Variants in DNAJC2 observed in about 807,000 individuals in gnomAD.
DNAJC2 encodes dnaJ homolog subfamily C member 2.
DNAJC2 carries 32 observed loss-of-function variants against 94.0 expected under a neutral mutation model. The observed-to-expected ratio is 0.34, with a 90% CI of 0.26 to 0.46. The LOEUF is 0.46. Among genes scored for constraint, DNAJC2 ranks in the 20% least tolerant of loss-of-function variants. The pLI is 1.00. For synonymous variants in DNAJC2, 210 were observed against 229.7 expected, an observed-to-expected ratio of 0.91 and a Z score of 0.77; for missense variants, 550 against 719.5, an observed-to-expected ratio of 0.76 and a Z score of 2.69.
At chr7:103,341,719 T>C in intron 2 of DNAJC2, 45 bp downstream of exon 2, 1 of 1,448,028 alleles carries the variant, frequency 6.9e-7, no homozygotes, top group Non-Finnish European at 9.3e-7. Flanking sequence ...ATTGTCTATG[T>C]CTAACAAAGC....
At chr7:103,326,772 G>A (rs1818732226) in intron 4 of DNAJC2, 88 bp from the exon 5 acceptor site, 2 of 1,310,552 alleles carry the variant, frequency 1.5e-6, no homozygotes, top group Middle Eastern at 2.5e-4. Context: ...TTAAAACATA[G>A]AAGTCATTAA....
intron 5 of DNAJC2, 40 bp from the exon 6 acceptor site, chr7:103,324,602 A>G: frequency 2.2e-6 from 3 of 1,394,384 alleles, no homozygotes; most frequent in Non-Finnish European, 1.9e-6. Context: ...TTCTTCAAAA[A>G]TTATGTACAA....
chr7:103,319,158 G>C (rs1403284910), intron 12 of DNAJC2, among the ~76,000 whole-genome samples: 1 of 151,436 alleles, frequency 6.6e-6, no homozygotes, highest in Non-Finnish European at 1.5e-5. Flanking sequence ...ACAAAAACAG[G>C]CTGGGCGTGG....
chr7:103,337,368 T>TA (rs36103366), intron 3 of DNAJC2: 3,786 of 156,892 alleles, frequency 0.024, 51 homozygotes, highest in Admixed American at 0.038. Flanking sequence ...CAAAATAACG[T>TA]AAAAAAAAAA....
chr7:103,316,880 T>A lies in DNAJC2; in HGVS notation c.1377A>T (p.Leu459=), dbSNP rs1171178247. Residue 459 remains leucine, a synonymous_variant, in exon 13 of 17, where the codon CTA becomes CTT. Transcript: ENST00000379263. The part of the protein sequence containing the change: ...NGSKNWSEDD[L]QLLIKAVNLF... ...GATTCACAGCTTTAATTAGTAATTG[T>A]AGATCATCTTCTGACCAATTTTTAC... 6.2e-7 allele frequency: 1 copy of A among 1,613,924 alleles called. No individual in the cohort carries two copies. Among genetic ancestry groups the A allele is most frequent in the African/African-American group, 1.3e-5 (1 of 74,928 alleles).
intron 6 of DNAJC2, 95 bp from the exon 7 acceptor site, chr7:103,323,758 T>G: frequency 2.1e-6 from 2 of 946,402 alleles, no homozygotes; most frequent in Non-Finnish European, 2.9e-6. Context: ...ATGGATACCT[T>G]TCCTTCCCTT....
chr7:103,334,051 C>T (rs564114477), intron 3 of DNAJC2, among the ~76,000 whole-genome samples: 2 of 151,670 alleles, frequency 1.3e-5, no homozygotes, highest in East Asian at 3.9e-4. Context: ...CCCGGGTTCA[C>T]GCCATTCTGC....
At chr7:103,320,712 C>T (rs897910053) in intron 10 of DNAJC2, 2 of 149,230 alleles carry the variant, frequency 1.3e-5, no homozygotes, top group African/African-American at 4.9e-5. Flanking sequence ...CCACTGTACT[C>T]CAGCCTGGGC....
At chr7:103,321,341 ACT>A (rs1029608581) in intron 10 of DNAJC2, among the ~76,000 whole-genome samples, 3 of 151,914 alleles carry the variant, frequency 2.0e-5, no homozygotes, top group Non-Finnish European at 4.4e-5. Context: ...ACACAGTGAA[ACT>A]CTGTCTCAAC....
intron 12 of DNAJC2, chr7:103,317,411 A>AT (rs1463419773): frequency 6.1e-6 from 1 of 164,746 alleles, no homozygotes; most frequent in South Asian, 2.0e-4. Context: ...GCATAGCAAA[A>AT]TGGCCTCTTT....
At chr7:103,338,267 C>CTT (rs528754279) in intron 2 of DNAJC2, among the ~76,000 whole-genome samples, 68 of 124,114 alleles carry the variant, frequency 5.5e-4, no homozygotes, top group Middle Eastern at 4.3e-3. Flanking sequence ...AAGACCCTGT[C>CTT]TTTTTTTTTT....
intron 2 of DNAJC2, among the ~76,000 whole-genome samples, chr7:103,339,766 CCA>C (rs770417605): frequency 8.9e-4 from 135 of 151,734 alleles, no homozygotes; most frequent in Non-Finnish European, 1.5e-3. Flanking sequence ...CATGCCCGGT[CCA>C]GTGTTTTTTA....
chr7:103,318,036 A>T (rs1013377380), intron 12 of DNAJC2, among the ~76,000 whole-genome samples: 2 of 152,216 alleles, frequency 1.3e-5, no homozygotes, highest in Non-Finnish European at 2.9e-5. Context: ...TAGTAGTACA[A>T]TGTTGAACCT....
At chr7:103,343,598 C>T (rs1255032912) in intron 1 of DNAJC2, among the ~76,000 whole-genome samples, 1 of 152,180 alleles carries the variant, frequency 6.6e-6, no homozygotes, top group African/African-American at 2.4e-5. Flanking sequence ...CACAGAAACT[C>T]TCTGAAATTA....
chr7:103,332,577 A>C (rs1016292593), intron 3 of DNAJC2, among the ~76,000 whole-genome samples: 2 of 152,134 alleles, frequency 1.3e-5, no homozygotes, highest in African/African-American at 4.8e-5. Flanking sequence ...TGGGCCTAAA[A>C]ATTGTTTTTA....
chr7:103,327,432 T>G (rs1006634944), intron 4 of DNAJC2: 13 of 834,050 alleles, frequency 1.6e-5, no homozygotes, highest in African/African-American at 8.6e-5. Flanking sequence ...TGAGACTGCA[T>G]TTCTAATAAG....
intron 12 of DNAJC2, 113 bp from the exon 13 acceptor site, chr7:103,317,127 C>A: frequency 1.1e-6 from 1 of 932,374 alleles, no homozygotes; most frequent in Non-Finnish European, 1.6e-6. Context: ...CTCACTCTGA[C>A]CCCATACTCC....
Position 103,319,611 on chromosome 7 carries a change from G to A in DNAJC2, c.1240C>T (p.Gln414Ter). The A allele has an allele frequency of 6.2e-7, 1 of 1,614,028 alleles. No individual in the cohort carries two copies. Residue 414 changes from glutamine to a stop codon, truncating the protein, a stop_gained and splice_region_variant, in exon 12 of 17, where the codon CAG (glutamine) becomes TAG (stop). Coordinates refer to ENST00000379263, the MANE Select transcript of DNAJC2 (RefSeq NM_014377.3). LOFTEE classifies it high-confidence loss of function. ...GGAGTGATGTGTTCCTCTATTACCT[G>A]TTTTTCCAAAGCAGCCTTTCCTACT... ...KEVGKAALEKQIEEINEQIRK... is the reference protein window; with the variant it reads ...KEVGKAALEK
At chr7:103,316,417 G>C (rs1818058119) in intron 13 of DNAJC2, 1 of 221,364 alleles carries the variant, frequency 4.5e-6, no homozygotes, top group Admixed American at 5.3e-5. Context: ...AAACAGCCTC[G>C]GTTTCATCTA....
Sources: allele counts gnomAD v4.1 joint callset (sites outside exome capture counted in the v4.1 genomes callset), GRCh38; gene constraint gnomAD v4.1.1; transcripts MANE v1.5; gene names NCBI Gene and HGNC (gene_info 2026-07-23, HGNC 2026-07-21).